Variants in D2HGDH observed in about 807,000 individuals in gnomAD.
D2HGDH encodes the protein D-2-hydroxyglutarate dehydrogenase.
D2HGDH carries 31 observed loss-of-function variants against 46.9 expected under a neutral mutation model. The ratio of observed to expected loss-of-function variants is 0.66; its 90% CI spans 0.50 to 0.89. The LOEUF is 0.89. Ranked by LOEUF, D2HGDH falls within the 40% of genes least tolerant of loss-of-function variation. The pLI, the probability that D2HGDH is intolerant of heterozygous loss-of-function variation, is 0.00. For missense variants in D2HGDH, 698 were observed against 720.8 expected (o/e 0.97, Z 0.36); for synonymous variants, 364 against 332.6 (o/e 1.09, Z -1.03).
At chr2:241,746,424 T>A (rs1283354362) in intron 6 of D2HGDH, among the ~76,000 whole-genome samples, 1 of 152,256 alleles carries the variant, frequency 6.6e-6, no homozygotes, top group Admixed American at 6.5e-5. Context: ...TCTGCAATGT[T>A]ACTTTTTATA....
At chr2:241,747,486 G>A (rs1696162606) in intron 6 of D2HGDH, among the ~76,000 whole-genome samples, 1 of 151,558 alleles carries the variant, frequency 6.6e-6, no homozygotes, top group South Asian at 2.1e-4. Flanking sequence ...AAACTCCCAG[G>A]TAGCAAGTCA....
In D2HGDH at chr2:241,742,614, T is replaced by G; in HGVS notation, c.490+40T>G. ...CCCGTCGGGGCCCAGGAGTCCCTCC[T>G]GGTGCTGGTGGAGTTCTTCCTTGCC... is the stretch of plus-strand genomic sequence containing the variant. On this transcript the variant is annotated intron_variant, in intron 4 of 9. Transcript: ENST00000321264. The surrounding 1 kb of genome is among the most constrained non-coding windows in gnomAD (Gnocchi z 4.8). 2 of 1,612,818 alleles carry G rather than the reference T, an allele frequency of 1.2e-6. No homozygotes were observed. The highest frequency in any genetic ancestry group is 2.2e-5 in the South Asian group (2 of 91,062).
intron 6 of D2HGDH, chr2:241,748,845 T>G: frequency 7.9e-7 from 1 of 1,271,020 alleles, no homozygotes; most frequent in Non-Finnish European, 1.0e-6. Context: ...TGTTCTGCTC[T>G]GATCCCACTC....
intron 5 of D2HGDH, among the ~76,000 whole-genome samples, 156 bp from the exon 6 acceptor site, chr2:241,744,553 G>A (rs1464760349): frequency 6.6e-6 from 1 of 152,252 alleles, no homozygotes; most frequent in Non-Finnish European, 1.5e-5. Context: ...GTGAGCTGCT[G>A]TGTGTGGAGG....
In D2HGDH at chr2:241,735,510, C is replaced by G. The variant is rs1422629044; in HGVS notation, c.286C>G (p.Leu96Val). The change falls in exon 2 of 10, where the codon CTG becomes GTG. Residue 96 changes from leucine to valine, a missense_variant. Transcript: ENST00000321264. ...QAPNVDWLRT[L>V]RGCSKVLLRP... ...TCCCAACGTGGACTGGTTGCGGACG[C>G]TGCGAGGTGGGTGAGGCTTGGGAAG... 3 of 1,606,074 alleles carry G rather than the reference C, an allele frequency of 1.9e-6. No homozygotes were observed. The East Asian group carries it at 6.7e-5, about 36-fold the overall frequency.
At position 241,751,388 on chromosome 2, in the gene D2HGDH, G is replaced by A; in HGVS notation, c.1140G>A (p.Lys380=). 1 of 1,613,240 alleles carries A rather than the reference G, an allele frequency of 6.2e-7. No individual in the cohort carries two copies. Among genetic ancestry groups the A allele is most frequent in the Non-Finnish European group, 8.5e-7 (1 of 1,180,018 alleles). ...TGGCCACCGACCAGAGGAAAGTCAA[G>A]GTGCCCTGTGTCCTGCTTGCAGGTC... The part of the protein sequence containing the change: ...GTMATDQRKV[K]MLWALRERIT... The change falls in exon 8 of 10, where the codon AAG becomes AAA. Residue 380 remains lysine (K), a splice_region_variant and synonymous_variant. Coordinates refer to ENST00000321264, the MANE Select transcript of D2HGDH (RefSeq NM_152783.5).
In D2HGDH at chr2:241,750,143, C is replaced by T. The variant is rs758727451; in HGVS notation, c.854-8C>T. On this transcript the variant is annotated splice_polypyrimidine_tract_variant and splice_region_variant and intron_variant, in intron 6 of 9. Transcript: ENST00000321264. Reference sequence around the variant, plus strand: ...GTGTGGTGCTTGACATGCTGTGACCCGTTTCAGGCTGCCCAGGCTTTGCTG... The same window carrying T: ...GTGTGGTGCTTGACATGCTGTGACCTGTTTCAGGCTGCCCAGGCTTTGCTG... 54 of 1,613,780 alleles carry T rather than the reference C, an allele frequency of 3.3e-5. No individual in the cohort carries two copies. Among genetic ancestry groups the T allele is most frequent in the Non-Finnish European group, 4.2e-5 (50 of 1,180,032 alleles).
chr2:241,742,144 G>A lies in D2HGDH; in HGVS notation c.351-291G>A, dbSNP rs1459407836. ...GACCCTCTGTGAGCATGGTGTGAAC[G>A]GGAAGGATGGGAGCCGGGCGTGTAG... On this transcript the variant is annotated intron_variant, in intron 3 of 9. Transcript: ENST00000321264. This position sits in a 1 kb window ranked among gnomAD's most constrained non-coding sequence, Gnocchi z 4.8. 6.6e-6 allele frequency among the ~76,000 whole-genome samples: 1 copy of A among 152,140 alleles called. No individual in the cohort carries two copies. The highest frequency in any genetic ancestry group is 6.5e-5 in the Admixed American group (1 of 15,282).
Position 241,767,909 on chromosome 2 carries a change from G to A in D2HGDH, c.1506G>A (p.Lys502=). ...CCCTGCAGCTCATGCAGCAGCTCAA[G>A]GCCCTGCTGGACCCCAAGGGCATCC... ...PGALQLMQQL[K]ALLDPKGILN... is the part of the protein sequence containing the mutation. Residue 502 remains lysine (K), a synonymous_variant, in exon 10 of 10, where the codon AAG becomes AAA. Transcript: ENST00000321264. 6.2e-7 allele frequency: 1 copy of A among 1,603,314 alleles called. No individual in the cohort carries two copies. The highest frequency in any genetic ancestry group is 1.1e-5 in the South Asian group (1 of 89,872).
intron 9 of D2HGDH, among the ~76,000 whole-genome samples, chr2:241,762,174 C>T (rs543956766): frequency 1.4e-5 from 2 of 148,024 alleles, no homozygotes; most frequent in East Asian, 2.0e-4. Context: ...CGGGTTCAGG[C>T]GATTCTCCTG....
chr2:241,753,955 G>A (rs573782252), intron 8 of D2HGDH, among the ~76,000 whole-genome samples: 1 of 152,364 alleles, frequency 6.6e-6, no homozygotes, highest in Non-Finnish European at 1.5e-5. Flanking sequence ...GTGTGCCGGG[G>A]AGTGCCGGGA....
intron 3 of D2HGDH, 142 bp downstream of exon 3, chr2:241,741,232 G>A: frequency 1.3e-6 from 1 of 790,542 alleles, no homozygotes; most frequent in South Asian, 1.5e-5. Context: ...TTTGTTCTGT[G>A]GTTTTTCGGT....
chr2:241,739,686 A>G (rs1445707485), intron 2 of D2HGDH, among the ~76,000 whole-genome samples: 1 of 152,264 alleles, frequency 6.6e-6, no homozygotes, highest in Middle Eastern at 3.2e-3. Flanking sequence ...CCGGCGAACT[A>G]GCTCAGAGGG....
intron 8 of D2HGDH, among the ~76,000 whole-genome samples, chr2:241,752,652 C>G (rs900728716): frequency 2.6e-5 from 4 of 151,984 alleles, no homozygotes; most frequent in African/African-American, 9.7e-5. Context: ...ATTCTCTCAG[C>G]TTCTGCTTGA....
At chr2:241,736,427 G>GTGCTCCCTC (rs1692836901) in intron 2 of D2HGDH, among the ~76,000 whole-genome samples, 1 of 121,278 alleles carries the variant, frequency 8.2e-6, no homozygotes, top group Admixed American at 7.9e-5. Flanking sequence ...TCACAGGGCT[G>GTGCTCCCTC]CGCTCCCTCC....
At chr2:241,753,900 C>T (rs1180979635) in intron 8 of D2HGDH, among the ~76,000 whole-genome samples, 1 of 152,210 alleles carries the variant, frequency 6.6e-6, no homozygotes, top group Non-Finnish European at 1.5e-5. Context: ...CCCCTCAGAG[C>T]CAGGAAGCGC....
intron 2 of D2HGDH, chr2:241,736,071 G>A (rs986317110): frequency 6.4e-6 from 1 of 156,908 alleles, no homozygotes; most frequent in Non-Finnish European, 1.4e-5. Flanking sequence ...AACAACCCAA[G>A]TTTGCCTGGC....
At position 241,735,437 on chromosome 2, in the gene D2HGDH, G is replaced by A. The variant is rs184232333; in HGVS notation, c.213G>A (p.Glu71=). 1.2e-6 allele frequency: 2 copies of A among 1,609,506 alleles called. No individual in the cohort carries two copies. Among genetic ancestry groups the A allele is most frequent in the Middle Eastern group, 1.7e-4 (1 of 6,056 alleles). Residue 71 remains glutamate, a synonymous_variant, in exon 2 of 10, where the codon GAG becomes GAA. Coordinates refer to ENST00000321264, the MANE Select transcript of D2HGDH (RefSeq NM_152783.5). ...TVSKQDLAAF[E]RIVPGGVVTD... ...CTAAGCAGGACCTGGCCGCCTTTGA[G>A]CGCATCGTGCCCGGCGGGGTCGTCA...
intron 8 of D2HGDH, 28 bp from the exon 9 acceptor site, chr2:241,755,821 C>T: frequency 1.2e-6 from 2 of 1,610,818 alleles, no homozygotes; most frequent in Middle Eastern, 1.7e-4. Context: ...CATAGCCAGC[C>T]CTTGTCTCAT....
Sources: gnomAD v4.1 joint callset for allele counts (sites outside exome capture counted in the v4.1 genomes callset) on GRCh38, gnomAD v4.1.1 for gene constraint, Gnocchi (gnomAD v3.1) non-coding constraint, MANE v1.5 for transcripts, NCBI Gene and HGNC (gene_info 2026-07-23, HGNC 2026-07-21) for gene names.